Variants in FGD4 observed in about 807,000 individuals in gnomAD.
FGD4 encodes the protein FYVE, RhoGEF and PH domain containing 4.
FGD4 carries 42 observed loss-of-function variants against 102.0 expected under a neutral mutation model. The observed-to-expected ratio is 0.41, with a 90% CI of 0.32 to 0.53. The LOEUF is 0.53. Among genes scored for constraint, FGD4 ranks in the 20% least tolerant of loss-of-function variants. The pLI is 0.21. For missense variants in FGD4, 902 were observed against 1,078.2 expected (o/e 0.84, Z 2.29); for synonymous variants, 380 against 375.7 (o/e 1.01, Z -0.13).
At chr12:32,424,256 T>G (rs1175931703) in intron 1 of FGD4, among the ~76,000 whole-genome samples, 1 of 151,978 alleles carries the variant, frequency 6.6e-6, no homozygotes, top group African/African-American at 2.4e-5. Context: ...TATGTGATGT[T>G]CCCCTCCCTG....
chr12:32,437,467 G>A (rs1942273408), intron 1 of FGD4, among the ~76,000 whole-genome samples: 1 of 152,218 alleles, frequency 6.6e-6, no homozygotes, highest in South Asian at 2.1e-4. Context: ...GCACCCAGAT[G>A]TGTTACTGGG....
At chr12:32,598,109 T>A (rs1948057645) in intron 4 of FGD4, among the ~76,000 whole-genome samples, 1 of 152,142 alleles carries the variant, frequency 6.6e-6, no homozygotes, top group South Asian at 2.1e-4. Flanking sequence ...AAATATTTTT[T>A]AAAAATAAAA....
At chr12:32,512,492 T>G (rs1046989296) in intron 1 of FGD4, among the ~76,000 whole-genome samples, 1 of 151,998 alleles carries the variant, frequency 6.6e-6, no homozygotes, top group East Asian at 1.9e-4. Flanking sequence ...CTGAGCTCAT[T>G]TAGTCTCAGC....
Position 32,637,393 on chromosome 12 carries a change from G to A in FGD4, c.2314-1262G>A, listed in dbSNP as rs546027286. ...AGGCAGATCACGAGGTCAGGAGATCGAGACCATCCTGGCTAACACAGTTAA... is the reference window on the plus strand; with the variant it reads ...AGGCAGATCACGAGGTCAGGAGATCAAGACCATCCTGGCTAACACAGTTAA... On this transcript the variant is annotated intron_variant, in intron 15 of 16. Transcript: ENST00000534526. Among the ~76,000 whole-genome samples, 6 of 151,400 alleles carry A rather than the reference G, an allele frequency of 4.0e-5. No individual in the cohort carries two copies. In the East Asian group the frequency reaches 1.0e-3, roughly 26 times the overall value.
intron 1 of FGD4, among the ~76,000 whole-genome samples, chr12:32,516,663 A>C (rs2136704290): frequency 6.6e-6 from 1 of 152,330 alleles, no homozygotes; most frequent in South Asian, 2.1e-4. Context: ...ATAAACTCTC[A>C]CATTTAACAT....
intron 1 of FGD4, among the ~76,000 whole-genome samples, chr12:32,548,781 C>T (rs951059423): frequency 1.3e-5 from 2 of 152,200 alleles, no homozygotes; most frequent in South Asian, 4.1e-4. Flanking sequence ...CCTACTGCTG[C>T]TTTGTGGTCA....
At chr12:32,504,888 T>G (rs1293931050) in intron 1 of FGD4, among the ~76,000 whole-genome samples, 2 of 152,234 alleles carry the variant, frequency 1.3e-5, no homozygotes, top group African/African-American at 4.8e-5. Flanking sequence ...AATTCAAACA[T>G]GTAGACTCTA....
intron 1 of FGD4, among the ~76,000 whole-genome samples, chr12:32,422,105 C>G (rs1405231208): frequency 6.7e-6 from 1 of 149,348 alleles, no homozygotes; most frequent in Non-Finnish European, 1.5e-5. Flanking sequence ...AATCATGCCA[C>G]TACACTCCAG....
chr12:32,638,907 C>A, intron 16 of FGD4, 112 bp downstream of exon 16: 1 of 1,551,926 alleles, frequency 6.4e-7, no homozygotes, highest in African/African-American at 1.4e-5. Context: ...TTCACTGTTT[C>A]ATTAAAATTG....
chr12:32,465,229 T>TA (rs79658039), intron 1 of FGD4, among the ~76,000 whole-genome samples: 28,419 of 151,924 alleles, frequency 0.19, 3,275 homozygotes, highest in East Asian at 0.28. Context: ...GCCTTACTGA[T>TA]AACATAAACA....
chr12:32,585,274 ACTTTT>A (rs907547752), intron 4 of FGD4, among the ~76,000 whole-genome samples: 11 of 145,624 alleles, frequency 7.6e-5, no homozygotes, highest in South Asian at 2.2e-4. Context: ...CTTAAAGGCA[ACTTTT>A]CTTTATTCAC....
intron 9 of FGD4, 149 bp from the exon 10 acceptor site, chr12:32,610,988 G>A: frequency 8.0e-7 from 1 of 1,254,622 alleles, no homozygotes; most frequent in Non-Finnish European, 1.1e-6. Context: ...ATAATTCTCT[G>A]AACTTGCTAA....
chr12:32,440,611 G>A (rs1021734877), intron 1 of FGD4, among the ~76,000 whole-genome samples: 46 of 152,138 alleles, frequency 3.0e-4, no homozygotes, highest in African/African-American at 6.8e-4. Context: ...ACTACACGGC[G>A]TCAGACTTGA....
rs139421172 is a variant in FGD4, at chr12:32,625,328, GAC to G, written c.2046+264_2046+265del. Among the ~76,000 whole-genome samples, 1,951 of 142,852 alleles carry G rather than the reference GAC, an allele frequency of 0.014. 38 individuals carry two copies. The highest frequency in any genetic ancestry group is 0.047 in the African/African-American group (1,766 of 37,938). 93.7% of individuals were successfully genotyped at this position (142,852 alleles called of 152,430 possible). ...TCTGTCACCCAAGCTGGAGTGCAGT[GAC>G]ACAGTCTTGGCTCACTGCAAACTCC... On this transcript the variant is annotated intron_variant, in intron 13 of 16. Coordinates refer to ENST00000534526, the MANE Select transcript of FGD4 (RefSeq NM_001370298.3).
intron 1 of FGD4, among the ~76,000 whole-genome samples, chr12:32,479,309 A>T (rs545494548): frequency 7.6e-4 from 116 of 152,214 alleles, no homozygotes; most frequent in African/African-American, 2.8e-3. Context: ...TTTCCTATTA[A>T]ATATGACTAA....
chr12:32,404,606 T>C (rs936826419), intron 1 of FGD4, among the ~76,000 whole-genome samples: 2 of 152,194 alleles, frequency 1.3e-5, no homozygotes, highest in African/African-American at 4.8e-5. Flanking sequence ...GCATGCCTGT[T>C]AACACCTGTT....
chr12:32,404,742 G>T (rs1211034744), intron 1 of FGD4, among the ~76,000 whole-genome samples: 2 of 151,934 alleles, frequency 1.3e-5, no homozygotes, highest in Non-Finnish European at 2.9e-5. Flanking sequence ...TTAAATAAAA[G>T]TATCTTTAGT....
At chr12:32,455,699 A>C (rs149569378) in intron 1 of FGD4, among the ~76,000 whole-genome samples, 83 of 152,164 alleles carry the variant, frequency 5.5e-4, no homozygotes, top group African/African-American at 1.8e-3. Flanking sequence ...GTTTTTATGT[A>C]CCTTTGGCCT....
chr12:32,587,187 C>CAAAAAAA (rs1181469038), intron 4 of FGD4, among the ~76,000 whole-genome samples: 20 of 66,142 alleles, frequency 3.0e-4, no homozygotes, highest in African/African-American at 9.1e-4. Flanking sequence ...GAGACTCTCT[C>CAAAAAAA]AAAAAAAAAA....
Sources: gnomAD v4.1 joint callset for allele counts (sites outside exome capture counted in the v4.1 genomes callset) on GRCh38, gnomAD v4.1.1 for gene constraint, MANE v1.5 for transcripts, NCBI Gene and HGNC (gene_info 2026-07-23, HGNC 2026-07-21) for gene names.